DGKI: variants seen among roughly 807,000 people sequenced by gnomAD.
DGKI encodes diacylglycerol kinase iota, also known as DAG kinase iota.
Under a neutral mutation model 147.5 loss-of-function variants are expected in DGKI, and 55 were observed. The ratio of observed to expected loss-of-function variants is 0.37; its 90% CI spans 0.30 to 0.47. The LOEUF (loss-of-function observed/expected upper bound fraction) is 0.47, where lower values mean the gene tolerates loss of function less well. Among genes scored for constraint, DGKI ranks in the 20% least tolerant of loss-of-function variants. The pLI, the probability that DGKI is intolerant of heterozygous loss-of-function variation, is 1.00. For missense variants in DGKI, 1,007 were observed against 1,323.8 expected, an observed-to-expected ratio of 0.76 and a Z score of 3.71; for synonymous variants, 469 against 477.1, an observed-to-expected ratio of 0.98 and a Z score of 0.22.
At chr7:137,401,618 T>C (rs1489313878) in intron 30 of DGKI, among the ~76,000 whole-genome samples, 1 of 152,206 alleles carries the variant, frequency 6.6e-6, no homozygotes, top group Non-Finnish European at 1.5e-5. Context: ...TACGTTCTGA[T>C]TGCAGACACT....
chr7:137,629,309 TA>T (rs1821049745), intron 6 of DGKI, among the ~76,000 whole-genome samples: 1 of 152,244 alleles, frequency 6.6e-6, no homozygotes, highest in African/African-American at 2.4e-5. Context: ...GTTAAGTTTC[TA>T]GCAAAATAAG....
At chr7:137,522,892 A>G (rs1239883302) in intron 20 of DGKI, among the ~76,000 whole-genome samples, 4 of 151,988 alleles carry the variant, frequency 2.6e-5, no homozygotes, top group Admixed American at 6.6e-5. Context: ...CTGGGATTTC[A>G]TTGGTTGAGA....
chr7:137,397,621 T>TA (rs1811601833), intron 30 of DGKI, among the ~76,000 whole-genome samples: 1 of 152,144 alleles, frequency 6.6e-6, no homozygotes, highest in South Asian at 2.1e-4. Context: ...GAATGGTAGA[T>TA]AAAAAAGAAT....
intron 1 of DGKI, among the ~76,000 whole-genome samples, chr7:137,822,845 A>G (rs978757104): frequency 8.5e-5 from 13 of 152,048 alleles, no homozygotes; most frequent in African/African-American, 3.1e-4. Context: ...AGCTCATAGA[A>G]ATAAAAAGTA....
chr7:137,587,055 T>C, intron 13 of DGKI, 42 bp downstream of exon 13: 5 of 1,395,698 alleles, frequency 3.6e-6, no homozygotes, highest in Non-Finnish European at 4.8e-6. Context: ...GAATCCGGTT[T>C]GTTGTTTGAT....
rs112779363 is a variant in DGKI, at chr7:137,638,506, A to G, written c.804+6966T>C. ...TATATATACACACATATATATGTATATATATGTGTGTATATATATACACAC... is the reference window on the plus strand; with the variant it reads ...TATATATACACACATATATATGTATGTATATGTGTGTATATATATACACAC... On this transcript the variant is annotated intron_variant, in intron 6 of 32. Transcript: ENST00000614521. Among the ~76,000 whole-genome samples the G allele has an allele frequency of 3.8e-4, 44 of 116,684 alleles. 4 individuals carry two copies. The highest frequency in any genetic ancestry group is 2.4e-3 in the Admixed American group (29 of 11,976). 76.5% of individuals were successfully genotyped at this position (116,684 alleles called of 152,430 possible). A position where few individuals can be genotyped will look rare whatever the true frequency, so the allele number is the denominator to read the frequency against.
chr7:137,846,958 CCG>C lies in DGKI; in HGVS notation c.-98_-97del. The C allele has an allele frequency of 1.1e-6, 1 of 929,966 alleles. No individual in the cohort carries two copies. The highest frequency in any genetic ancestry group is 4.8e-5 in the South Asian group (1 of 20,678). 57.6% of individuals were successfully genotyped at this position (929,966 alleles called of 1,614,324 possible). Reference sequence around the variant, plus strand: ...GCCGCTCCCCGCCTCCCGCGCCCTCCCGCGCCGGCCCGCACCCTCCAGCCCCG... The same window carrying C: ...GCCGCTCCCCGCCTCCCGCGCCCTCCCGCCGGCCCGCACCCTCCAGCCCCG... On this transcript the variant is annotated 5_prime_UTR_variant, in exon 1 of 33. Transcript: ENST00000614521. This position sits in a 1 kb window ranked among gnomAD's most constrained non-coding sequence, Gnocchi z 4.0.
chr7:137,702,114 T>C (rs1262581769), intron 1 of DGKI, among the ~76,000 whole-genome samples: 1 of 152,248 alleles, frequency 6.6e-6, no homozygotes, highest in Admixed American at 6.5e-5. Flanking sequence ...AAAAATAATA[T>C]TGACCCTATC....
chr7:137,673,508 C>T (rs1822924854), intron 3 of DGKI, among the ~76,000 whole-genome samples: 1 of 152,186 alleles, frequency 6.6e-6, no homozygotes, highest in Non-Finnish European at 1.5e-5. Context: ...GACTATAATG[C>T]TCATCCAGAA....
intron 27 of DGKI, among the ~76,000 whole-genome samples, chr7:137,460,862 G>T (rs1814413113): frequency 1.3e-5 from 2 of 152,082 alleles, no homozygotes; most frequent in African/African-American, 4.8e-5. Flanking sequence ...AAATCAAGGT[G>T]GTTGGTACAT....
intron 5 of DGKI, among the ~76,000 whole-genome samples, chr7:137,651,451 C>G (rs1284661479): frequency 1.3e-5 from 2 of 152,176 alleles, no homozygotes; most frequent in Non-Finnish European, 2.9e-5. Context: ...TAACAGCCAT[C>G]TCATTTCCTG....
chr7:137,403,111 G>A (rs1465404301), intron 30 of DGKI, among the ~76,000 whole-genome samples: 1 of 152,076 alleles, frequency 6.6e-6, no homozygotes, highest in East Asian at 1.9e-4. Context: ...AAATATGGTT[G>A]AAAGGAGCTG....
rs375255319 is a variant in DGKI at position 137,466,958 on chromosome 7, T to G, written c.2444-16A>C. 2 of 1,613,752 alleles carry G rather than the reference T, an allele frequency of 1.2e-6. No homozygotes were observed. The highest frequency in any genetic ancestry group is 2.2e-5 in the South Asian group (2 of 91,064). On this transcript the variant is annotated splice_polypyrimidine_tract_variant and intron_variant, in intron 24 of 32. Coordinates refer to ENST00000614521, the MANE Select transcript of DGKI (RefSeq NM_001321708.2). The stretch of plus-strand genomic sequence containing the variant: ...GCAGAAGTTGCTAGGGGAAAAAAAA[T>G]GCAGATGGCATTCAGAATGTTCTGT...
At chr7:137,533,226 T>A (rs541024102) in intron 20 of DGKI, among the ~76,000 whole-genome samples, 1 of 152,158 alleles carries the variant, frequency 6.6e-6, no homozygotes, top group South Asian at 2.1e-4. Context: ...GAGTTCAAGA[T>A]TGCAATCAAC....
At chr7:137,804,342 C>G (rs777803751) in intron 1 of DGKI, among the ~76,000 whole-genome samples, 1 of 152,204 alleles carries the variant, frequency 6.6e-6, no homozygotes. Flanking sequence ...GCACTCAGAA[C>G]ATTCTAGGCA....
At chr7:137,690,047 C>T (rs1823553253) in intron 1 of DGKI, 45 bp from the exon 2 acceptor site, 1 of 1,339,122 alleles carries the variant, frequency 7.5e-7, no homozygotes, top group Non-Finnish European at 1.0e-6. Flanking sequence ...GAAAAACCAA[C>T]ATCAGAATCT....
chr7:137,471,472 T>C (rs1429061926), intron 23 of DGKI, among the ~76,000 whole-genome samples: 1 of 152,142 alleles, frequency 6.6e-6, no homozygotes, highest in Non-Finnish European at 1.5e-5. Flanking sequence ...CCCTACTTGA[T>C]CCTCAAATAA....
chr7:137,691,958 T>C (rs1823630314), intron 1 of DGKI, among the ~76,000 whole-genome samples: 1 of 152,094 alleles, frequency 6.6e-6, no homozygotes, highest in Admixed American at 6.6e-5. Context: ...ACTTGCTTTA[T>C]ATAATCCCCG....
At chr7:137,624,250 G>A (rs953318009) in intron 6 of DGKI, among the ~76,000 whole-genome samples, 2 of 152,128 alleles carry the variant, frequency 1.3e-5, no homozygotes, top group Non-Finnish European at 2.9e-5. Flanking sequence ...TGGCCAGAGA[G>A]AAGTATGTAG....
Sources: gnomAD v4.1 joint callset for allele counts (sites outside exome capture counted in the v4.1 genomes callset) on GRCh38, gnomAD v4.1.1 for gene constraint, Gnocchi (gnomAD v3.1) non-coding constraint, MANE v1.5 for transcripts, NCBI Gene and HGNC (gene_info 2026-07-23, HGNC 2026-07-21) for gene names.